Variants in DPH6 observed in about 807,000 individuals in gnomAD.
DPH6 encodes the protein diphthine--ammonia ligase.
In DPH6, 33 loss-of-function variants were observed where a neutral mutation model predicts 38.2. That is an observed-to-expected ratio of 0.86 (90% CI 0.65 to 1.15). The LOEUF (loss-of-function observed/expected upper bound fraction) is 1.15, where lower values mean the gene tolerates loss of function less well. Among genes scored for constraint, DPH6 ranks in the 50% most tolerant of loss-of-function variants. DPH6 has a pLI of 0.00. For missense variants in DPH6, 325 were observed against 320.0 expected, an observed-to-expected ratio of 1.02 and a Z score of -0.12; for synonymous variants, 108 against 103.0, an observed-to-expected ratio of 1.05 and a Z score of -0.30.
chr15:35,513,243 G>C (rs2054799757), intron 3 of DPH6, among the ~76,000 whole-genome samples: 1 of 151,950 alleles, frequency 6.6e-6, no homozygotes, highest in Admixed American at 6.6e-5. Context: ...ATACTTTCGT[G>C]TATTTTTTAA....
At chr15:35,348,007 G>C (rs1479940953) in intron 3 of DPH6, among the ~76,000 whole-genome samples, 1 of 151,770 alleles carries the variant, frequency 6.6e-6, no homozygotes, top group African/African-American at 2.4e-5. Context: ...TATTTTCTTG[G>C]GTATTGAGTT....
chr15:35,208,346 A>G, the DPH6 span, among the ~76,000 whole-genome samples: 2 of 152,134 alleles, frequency 1.3e-5, no homozygotes, highest in Admixed American at 1.3e-4. Flanking sequence ...AATTCCATAG[A>G]CCCCAGGAGT....
At position 35,299,810 on chromosome 15, in the gene DPH6, A is replaced by C. The variant is rs891875387; in HGVS notation, n.200+73711T>G. On this transcript the variant is annotated intron_variant and non_coding_transcript_variant, in intron 3 of 3. Transcript: ENST00000560386. ...ATAGTATTTAGCAGAATCTGAAAGT[A>C]TTCTTTTTTGTGCGTGCTTGGTATC... Among the ~76,000 whole-genome samples the C allele has an allele frequency of 1.7e-4, 26 of 152,206 alleles. 1 individual carries two copies. Among genetic ancestry groups the C allele is most frequent in the African/African-American group, 6.3e-4 (26 of 41,456 alleles).
intron 3 of DPH6, among the ~76,000 whole-genome samples, chr15:35,485,335 T>A (rs983877831): frequency 2.6e-4 from 39 of 152,016 alleles, no homozygotes; most frequent in Non-Finnish European, 8.8e-5. Flanking sequence ...GTTTTATTAA[T>A]GTTTAAATCA....
At chr15:35,362,719 T>C (rs540430333) in intron 3 of DPH6, among the ~76,000 whole-genome samples, 23 of 152,344 alleles carry the variant, frequency 1.5e-4, no homozygotes, top group Middle Eastern at 6.8e-3. Flanking sequence ...GGAGAAGCCA[T>C]GATCTTTCTG....
the DPH6 span, among the ~76,000 whole-genome samples, chr15:35,175,631 T>C: frequency 5.0e-5 from 7 of 140,148 alleles, no homozygotes; most frequent in Non-Finnish European, 1.1e-4. Context: ...GTTATGAAGG[T>C]ACCAACACAT....
At chr15:35,155,990 G>C in the DPH6 span, among the ~76,000 whole-genome samples, 1 of 151,982 alleles carries the variant, frequency 6.6e-6, no homozygotes, top group South Asian at 2.1e-4. Flanking sequence ...ACCCTCTGCA[G>C]ACTACACTGA....
the DPH6 span, among the ~76,000 whole-genome samples, chr15:35,149,341 G>A: frequency 3.3e-5 from 5 of 152,190 alleles, no homozygotes; most frequent in Admixed American, 6.5e-5. Context: ...AGGTTCAAGC[G>A]ATTCTCCTGC....
chr15:35,494,989 T>A (rs1481247249), intron 3 of DPH6, among the ~76,000 whole-genome samples: 3 of 152,170 alleles, frequency 2.0e-5, no homozygotes, highest in Non-Finnish European at 4.4e-5. Context: ...AATTAATAGA[T>A]ACACTTTTAA....
At chr15:35,341,012 C>T (rs914191423) in intron 3 of DPH6, among the ~76,000 whole-genome samples, 2 of 151,896 alleles carry the variant, frequency 1.3e-5, no homozygotes, top group Non-Finnish European at 2.9e-5. Flanking sequence ...TTATGGGTAC[C>T]CTGATCAATA....
chr15:35,310,088 T>C (rs1341075472), intron 3 of DPH6, among the ~76,000 whole-genome samples: 3 of 152,142 alleles, frequency 2.0e-5, no homozygotes, highest in Admixed American at 2.0e-4. Flanking sequence ...CCAGAACCCA[T>C]TCCAGACCAA....
At chr15:35,361,507 CCT>C (rs1201672001) in intron 3 of DPH6, among the ~76,000 whole-genome samples, 8 of 131,820 alleles carry the variant, frequency 6.1e-5, no homozygotes, top group South Asian at 4.9e-4. Flanking sequence ...CTTTAAATAA[CCT>C]CTCTTTTTTT....
chr15:35,300,948 G>A (rs759010953), intron 3 of DPH6, among the ~76,000 whole-genome samples: 1 of 152,010 alleles, frequency 6.6e-6, no homozygotes, highest in Non-Finnish European at 1.5e-5. Context: ...ATCTATCAAG[G>A]CATGAGAAAA....
chr15:35,253,775 T>C (rs2051690145), intron 3 of DPH6, among the ~76,000 whole-genome samples: 1 of 152,176 alleles, frequency 6.6e-6, no homozygotes. Context: ...CATAGATCAT[T>C]TACCTGCAAG....
chr15:35,520,585 T>C (rs1447936695), intron 3 of DPH6: 2 of 984,618 alleles, frequency 2.0e-6, no homozygotes, highest in African/African-American at 3.5e-5. Context: ...TAAAGCTTCT[T>C]ATAATACTAC....
At chr15:35,502,136 G>A (rs2054635570) in intron 3 of DPH6, among the ~76,000 whole-genome samples, 1 of 151,864 alleles carries the variant, frequency 6.6e-6, no homozygotes, top group South Asian at 2.1e-4. Flanking sequence ...CTGCTATTCT[G>A]GACTTCTCTA....
chr15:35,418,424 G>A (rs1282206956), intron 5 of DPH6, among the ~76,000 whole-genome samples: 1 of 152,008 alleles, frequency 6.6e-6, no homozygotes, highest in East Asian at 1.9e-4. Flanking sequence ...TGTAAACTCT[G>A]ACACCTAGCC....
chr15:35,527,090 G>A (rs1294766949), intron 3 of DPH6, among the ~76,000 whole-genome samples: 2 of 152,012 alleles, frequency 1.3e-5, no homozygotes, highest in Non-Finnish European at 2.9e-5. Flanking sequence ...TTTCTTCTCT[G>A]CATTAACTTA....
chr15:35,379,189 G>A (rs1200806968), intron 7 of DPH6, among the ~76,000 whole-genome samples: 1 of 152,132 alleles, frequency 6.6e-6, no homozygotes, highest in East Asian at 1.9e-4. Context: ...GGATCCTCAT[G>A]ATTACATTGG....
Sources: gnomAD v4.1 joint callset for allele counts (sites outside exome capture counted in the v4.1 genomes callset) on GRCh38, gnomAD v4.1.1 for gene constraint, MANE v1.5 for transcripts, NCBI Gene and HGNC (gene_info 2026-07-23, HGNC 2026-07-21) for gene names.